Variants in F13B observed in about 807,000 individuals in gnomAD.
F13B encodes the protein coagulation factor XIII B chain.
In F13B, 58 loss-of-function variants were observed where a neutral mutation model predicts 79.8. The ratio of observed to expected loss-of-function variants is 0.73; its 90% CI spans 0.59 to 0.90. F13B has a LOEUF of 0.90. F13B is among the 40% of genes least tolerant of loss of function. The probability of loss-of-function intolerance (pLI) is 0.00; values close to 1 mark genes in which losing one functional copy is unlikely to be tolerated. For synonymous variants in F13B, 283 were observed against 260.3 expected (o/e 1.09, Z -0.84); for missense variants, 773 against 777.0 (o/e 0.99, Z 0.06).
chr1:197,056,962 A>G (rs766811391), intron 7 of F13B, 51 bp downstream of exon 7: 1 of 1,598,476 alleles, frequency 6.3e-7, no homozygotes, highest in Admixed American at 1.7e-5. Flanking sequence ...AACAGAATGG[A>G]AAATTTTACA....
At chr1:197,043,333 A>G (rs1655112374) in intron 10 of F13B, among the ~76,000 whole-genome samples, 1 of 152,220 alleles carries the variant, frequency 6.6e-6, no homozygotes, top group Non-Finnish European at 1.5e-5. Context: ...AACTGCCTCT[A>G]CACTAATCAT....
chr1:197,055,745 CT>C lies in F13B; in HGVS notation c.1323del (p.Gly442GlufsTer20), dbSNP rs780776164. 1 of 1,613,452 alleles carries C rather than the reference CT, an allele frequency of 6.2e-7. No individual in the cohort carries two copies. Among genetic ancestry groups the C allele is most frequent in the East Asian group, 2.2e-5 (1 of 44,836 alleles). The stretch of plus-strand genomic sequence containing the variant: ...CAAACAGGTGGGGATGACCATTTTC[CT>C]TGTTCGCAACGAGATATTTTTGATC... ...LRGSKISRCE[Q>X]GKWSSPPVCL... On this transcript the variant is annotated frameshift_variant, in exon 8 of 12. Transcript: ENST00000367412. LOFTEE classifies it high-confidence loss of function.
rs1018032157 is a variant in F13B, at chr1:197,039,142, G to A, written c.*236C>T. The A allele has an allele frequency of 2.1e-6, 1 of 476,866 alleles. No homozygotes were observed. 29.5% of individuals were successfully genotyped at this position (476,866 alleles called of 1,614,324 possible). On this transcript the variant is annotated 3_prime_UTR_variant, in exon 12 of 12. Transcript: ENST00000367412. The stretch of plus-strand genomic sequence containing the variant: ...GAAAATATGATGTGTAGATTAATTT[G>A]TAACAGATGGAAGACATACAAAAGA...
At chr1:197,043,179 C>T (rs1655104888) in intron 10 of F13B, among the ~76,000 whole-genome samples, 1 of 152,092 alleles carries the variant, frequency 6.6e-6, no homozygotes, top group Non-Finnish European at 1.5e-5. Context: ...CCAGTAATAT[C>T]AGAGACAGTC....
At chr1:197,046,895 A>G (rs1165549321) in intron 10 of F13B, among the ~76,000 whole-genome samples, 1 of 152,184 alleles carries the variant, frequency 6.6e-6, no homozygotes, top group Non-Finnish European at 1.5e-5. Context: ...AACCTGACAA[A>G]AACAAGAAAT....
intron 10 of F13B, among the ~76,000 whole-genome samples, chr1:197,048,410 C>T (rs1238744178): frequency 6.6e-6 from 1 of 150,910 alleles, no homozygotes. Context: ...AGTAAAAACC[C>T]AGAAGGTTGA....
At chr1:197,060,700 C>T (rs910687807) in intron 4 of F13B, among the ~76,000 whole-genome samples, 158 bp from the exon 5 acceptor site, 2 of 152,036 alleles carry the variant, frequency 1.3e-5, no homozygotes, top group African/African-American at 4.8e-5. Flanking sequence ...TAGGCTTATT[C>T]TAATTTAATT....
At chr1:197,043,739 C>CA (rs981357158) in intron 10 of F13B, among the ~76,000 whole-genome samples, 2 of 151,122 alleles carry the variant, frequency 1.3e-5, no homozygotes, top group Admixed American at 1.3e-4. Context: ...AGAAAATTAC[C>CA]AAAAAATTAC....
chr1:197,050,799 C>A lies in F13B; in HGVS notation c.1636G>T (p.Gly546Cys). Reference protein sequence around the residue: ...ISSTVDTYENGSSVEYRCFDH... With the variant: ...ISSTVDTYENCSSVEYRCFDH... ...AAACATCTGTATTCTACTGAAGAGC[C>A]ATTTTCATAGGTGTCTACTGTTGAA... Residue 546 changes from glycine to cysteine, a missense_variant, in exon 10 of 12, where the codon GGC becomes TGC. Transcript: ENST00000367412. The A allele has an allele frequency of 6.2e-7, 1 of 1,613,354 alleles. No homozygotes were observed. Among genetic ancestry groups the A allele is most frequent in the Non-Finnish European group, 8.5e-7 (1 of 1,179,610 alleles).
rs905378981 is a variant in F13B, at chr1:197,038,967, T to A, written c.*411A>T. On this transcript the variant is annotated 3_prime_UTR_variant, in exon 12 of 12. Coordinates refer to ENST00000367412, the MANE Select transcript of F13B (RefSeq NM_001994.3). ...CATATAGTTTCTTATCTCTAGTGTG[T>A]TTGGCCCTTTAATAGTGACATAAAC... Among the ~76,000 whole-genome samples the A allele has an allele frequency of 6.6e-6, 1 of 152,072 alleles. No homozygotes were observed. Among genetic ancestry groups the A allele is most frequent in the Non-Finnish European group, 1.5e-5 (1 of 67,984 alleles).
chr1:197,052,420 G>A (rs1655480567), intron 9 of F13B, among the ~76,000 whole-genome samples: 1 of 151,868 alleles, frequency 6.6e-6, no homozygotes. Context: ...TTCCATTACT[G>A]GAATTGCAAA....
At chr1:197,042,026 C>CTAT (rs1298439916) in intron 10 of F13B, among the ~76,000 whole-genome samples, 1 of 152,154 alleles carries the variant, frequency 6.6e-6, no homozygotes, top group Non-Finnish European at 1.5e-5. Flanking sequence ...TATTATACTA[C>CTAT]TAAGTGCATA....
Position 197,039,391 on chromosome 1 carries a change from G to C in F13B, c.1973C>G (p.Pro658Arg). The part of the protein sequence containing the change: ...PRQSTLSYQE[P>R]LRT The stretch of plus-strand genomic sequence containing the variant: ...TGCCATTCATTTCTATGTTCTTAAG[G>C]GTTCTTGATAAGACAGAGTGCTTGA... The change falls in exon 12 of 12, where the codon CCC (proline) becomes CGC (arginine). Residue 658 changes from proline to arginine, a missense_variant. Physicochemically the swap from Pro to Arg is moderately radical, Grantham distance 103. Transcript: ENST00000367412. The C allele has an allele frequency of 1.9e-6, 3 of 1,610,484 alleles. No individual in the cohort carries two copies. The highest frequency in any genetic ancestry group is 2.5e-6 in the Non-Finnish European group (3 of 1,177,650).
In F13B at chr1:197,055,854, C is replaced by T; in HGVS notation, c.1215G>A (p.Gly405=). 2 of 1,613,402 alleles carry T rather than the reference C, an allele frequency of 1.2e-6. No individual in the cohort carries two copies. Among genetic ancestry groups the T allele is most frequent in the Non-Finnish European group, 1.7e-6 (2 of 1,179,682 alleles). Residue 405 remains glycine (G), a synonymous_variant, in exon 8 of 12, where the codon GGG becomes GGA. Transcript: ENST00000367412. ...NCKHPPVVMN[G]AVADGILASY... is the part of the protein sequence containing the mutation. ...TTGCCAATATCCCGTCTGCAACAGC[C>T]CCATTCATTACAACAGGAGGATGCT... is the stretch of plus-strand genomic sequence containing the variant.
chr1:197,049,466 T>C (rs1023101968), intron 10 of F13B, among the ~76,000 whole-genome samples: 1 of 152,068 alleles, frequency 6.6e-6, no homozygotes, highest in Non-Finnish European at 1.5e-5. Context: ...TACTTTATGT[T>C]AGTAGATTTG....
At chr1:197,049,431 A>G (rs576370129) in intron 10 of F13B, among the ~76,000 whole-genome samples, 3 of 152,220 alleles carry the variant, frequency 2.0e-5, no homozygotes, top group Admixed American at 2.0e-4. Context: ...AAAACATCAA[A>G]AAGAGGATAG....
intron 1 of F13B, 114 bp downstream of exon 1, chr1:197,067,046 T>C (rs1656082546): frequency 1.9e-6 from 1 of 527,290 alleles, no homozygotes; most frequent in Non-Finnish European, 3.3e-6. Flanking sequence ...TTATAAAATA[T>C]GTTATAAAAT....
At chr1:197,043,656 T>C (rs1040177479) in intron 10 of F13B, among the ~76,000 whole-genome samples, 1 of 152,032 alleles carries the variant, frequency 6.6e-6, no homozygotes, top group Non-Finnish European at 1.5e-5. Context: ...TTAAAGCAGA[T>C]TGGATACATC....
At chr1:197,066,129 T>C (rs1656041235) in intron 1 of F13B, among the ~76,000 whole-genome samples, 1 of 151,930 alleles carries the variant, frequency 6.6e-6, no homozygotes, top group Non-Finnish European at 1.5e-5. Context: ...GACAGAAAAA[T>C]AAAATCAAAA....
Sources: gnomAD v4.1 joint callset for allele counts (sites outside exome capture counted in the v4.1 genomes callset) on GRCh38, gnomAD v4.1.1 for gene constraint, MANE v1.5 for transcripts, NCBI Gene and HGNC (gene_info 2026-07-23, HGNC 2026-07-21) for gene names.